GRID2: variants seen among roughly 807,000 people sequenced by gnomAD.
GRID2 encodes glutamate receptor ionotropic, delta-2.
Under a neutral mutation model 114.8 loss-of-function variants are expected in GRID2, and 33 were observed. The ratio of observed to expected loss-of-function variants is 0.29; its 90% confidence interval spans 0.22 to 0.38. GRID2 has a LOEUF of 0.38. Ranked by LOEUF, GRID2 falls within the 10% of genes least tolerant of loss-of-function variation. The pLI is 1.00. For synonymous variants in GRID2, 505 were observed against 449.9 expected (o/e 1.12, Z -1.55); for missense variants, 1,184 against 1,257.7 (o/e 0.94, Z 0.89).
At chr4:93,210,400 G>T (rs1441907529) in intron 5 of GRID2, among the ~76,000 whole-genome samples, 1 of 152,066 alleles carries the variant, frequency 6.6e-6, no homozygotes, top group Non-Finnish European at 1.5e-5. Flanking sequence ...GGTAGTTGCA[G>T]GTATGCAGCC....
At chr4:92,556,069 A>G (rs1726835915) in intron 1 of GRID2, among the ~76,000 whole-genome samples, 1 of 152,150 alleles carries the variant, frequency 6.6e-6, no homozygotes, top group Non-Finnish European at 1.5e-5. Context: ...CTCCAGGGAA[A>G]ACTGAACCAC....
intron 2 of GRID2, among the ~76,000 whole-genome samples, chr4:92,807,860 A>G (rs1740492139): frequency 6.6e-6 from 1 of 152,032 alleles, no homozygotes; most frequent in African/African-American, 2.4e-5. Context: ...TGTGGAAATC[A>G]GCTTAAATGA....
At chr4:93,237,666 A>G (rs900690362) in intron 7 of GRID2, among the ~76,000 whole-genome samples, 1 of 151,890 alleles carries the variant, frequency 6.6e-6, no homozygotes, top group Non-Finnish European at 1.5e-5. Flanking sequence ...TAAACTGAGA[A>G]AAGAATGATA....
intron 2 of GRID2, among the ~76,000 whole-genome samples, chr4:92,804,127 G>C (rs1740299957): frequency 6.6e-6 from 1 of 152,010 alleles, no homozygotes; most frequent in African/African-American, 2.4e-5. Flanking sequence ...AAGGACACCA[G>C]TAACAACAGA....
rs999877099 is a variant in GRID2, at chr4:92,626,765, CACAAA to C, written c.244+36484_244+36488del. ...GAAGATACCACAACATAAGCAAAAT[CACAAA>C]ACAATTATCAAATACACAAGGGATC... On this transcript the variant is annotated intron_variant, in intron 2 of 15. Coordinates refer to ENST00000282020, the MANE Select transcript of GRID2 (RefSeq NM_001510.4). Among the ~76,000 whole-genome samples the C allele has an allele frequency of 3.9e-5, 6 of 152,048 alleles. No individual in the cohort carries two copies. In the East Asian group the frequency reaches 9.7e-4, roughly 25 times the overall value.
intron 2 of GRID2, among the ~76,000 whole-genome samples, chr4:92,652,882 A>T (rs1342166084): frequency 1.0e-5 from 1 of 97,470 alleles, no homozygotes; most frequent in Non-Finnish European, 2.2e-5. Context: ...ATATATAAAA[A>T]TATATTTATA....
chr4:92,713,595 C>T (rs192859521), intron 2 of GRID2, among the ~76,000 whole-genome samples: 225 of 148,242 alleles, frequency 1.5e-3, no homozygotes, highest in African/African-American at 5.1e-3. Flanking sequence ...ACATACTTGA[C>T]ACTGGGCAAT....
At chr4:92,444,627 G>GTTGGCCAGA (rs1733347687) in intron 1 of GRID2, among the ~76,000 whole-genome samples, 1 of 152,134 alleles carries the variant, frequency 6.6e-6, no homozygotes, top group Admixed American at 6.5e-5. Flanking sequence ...GGGTTGCAAT[G>GTTGGCCAGA]GCTTGGCTTG....
chr4:92,555,536 A>G (rs78162871), intron 1 of GRID2, among the ~76,000 whole-genome samples: 1 of 152,028 alleles, frequency 6.6e-6, no homozygotes. Flanking sequence ...GCTGGCATAC[A>G]TCATATCTTC....
At chr4:93,541,328 G>A (rs1402403613) in intron 13 of GRID2, among the ~76,000 whole-genome samples, 3 of 152,044 alleles carry the variant, frequency 2.0e-5, no homozygotes, top group African/African-American at 7.2e-5. Context: ...ATGTTTCCCA[G>A]CAAAACACCC....
chr4:93,682,739 C>T (rs565379825), intron 14 of GRID2, among the ~76,000 whole-genome samples: 4 of 138,634 alleles, frequency 2.9e-5, no homozygotes, highest in African/African-American at 5.5e-5. Flanking sequence ...AATGAGAACA[C>T]ATGGACACAG....
intron 4 of GRID2, among the ~76,000 whole-genome samples, chr4:93,205,303 A>G (rs1742589416): frequency 6.6e-6 from 1 of 152,030 alleles, no homozygotes; most frequent in African/African-American, 2.4e-5. Context: ...GAGTATACAT[A>G]TATTTCAAAA....
At chr4:93,534,162 A>G (rs1309665639) in intron 13 of GRID2, among the ~76,000 whole-genome samples, 6 of 151,944 alleles carry the variant, frequency 3.9e-5, no homozygotes, top group African/African-American at 1.5e-4. Context: ...TGACTTCCCT[A>G]TTTCTAAATG....
At chr4:93,628,088 C>T (rs142525729) in intron 14 of GRID2, among the ~76,000 whole-genome samples, 3,059 of 152,192 alleles carry the variant, frequency 0.02, 36 homozygotes, top group South Asian at 0.023. Flanking sequence ...GCATGAGAAT[C>T]GCTTGAGCTT....
At chr4:92,609,949 A>G (rs75121464) in intron 2 of GRID2, among the ~76,000 whole-genome samples, 4,136 of 151,830 alleles carry the variant, frequency 0.027, 179 homozygotes, top group African/African-American at 0.092. Flanking sequence ...GATTATCACT[A>G]TTATCTGTTA....
chr4:92,775,806 A>G (rs1206876372), intron 2 of GRID2, among the ~76,000 whole-genome samples: 7 of 152,268 alleles, frequency 4.6e-5, no homozygotes, highest in Non-Finnish European at 8.8e-5. Flanking sequence ...GGCCTCCTCT[A>G]TCATAACTGT....
chr4:92,950,379 G>A (rs1751940350), intron 2 of GRID2, among the ~76,000 whole-genome samples: 1 of 152,092 alleles, frequency 6.6e-6, no homozygotes, highest in Non-Finnish European at 1.5e-5. Context: ...AATTATGGAG[G>A]ATTTATGTAC....
chr4:93,696,418 A>G (rs979302869), intron 14 of GRID2, among the ~76,000 whole-genome samples: 1 of 152,124 alleles, frequency 6.6e-6, no homozygotes, highest in African/African-American at 2.4e-5. Flanking sequence ...ATCTCACTCA[A>G]TACTCTCTTT....
At chr4:92,342,813 A>G (rs1411418461) in intron 1 of GRID2, among the ~76,000 whole-genome samples, 1 of 152,168 alleles carries the variant, frequency 6.6e-6, no homozygotes, top group Non-Finnish European at 1.5e-5. Context: ...CTGCTTCCCA[A>G]TATCCTAATA....
Sources: gnomAD v4.1 joint callset for allele counts (sites outside exome capture counted in the v4.1 genomes callset) on GRCh38, gnomAD v4.1.1 for gene constraint, MANE v1.5 for transcripts, NCBI Gene and HGNC (gene_info 2026-07-23, HGNC 2026-07-21) for gene names.